Variants in DPYD observed in about 807,000 individuals in gnomAD.
The protein encoded by DPYD is dihydropyrimidine dehydrogenase.
DPYD carries 109 observed loss-of-function variants against 116.2 expected under a neutral mutation model. The ratio of observed to expected loss-of-function variants is 0.94; its 90% CI spans 0.80 to 1.10. The LOEUF (loss-of-function observed/expected upper bound fraction) is 1.10, where lower values mean the gene tolerates loss of function less well. Ranked by LOEUF, DPYD falls within the 50% of genes least tolerant of loss-of-function variation. The pLI is 0.00. For synonymous variants in DPYD, 440 were observed against 432.0 expected, an observed-to-expected ratio of 1.02 and a Z score of -0.23; for missense variants, 1,302 against 1,254.5, an observed-to-expected ratio of 1.04 and a Z score of -0.57.
At chr1:97,273,539 A>G (rs1280381274) in intron 18 of DPYD, among the ~76,000 whole-genome samples, 1 of 152,150 alleles carries the variant, frequency 6.6e-6, no homozygotes, top group Non-Finnish European at 1.5e-5. Context: ...CCTGTCATGG[A>G]CTTTAAACAG....
intron 20 of DPYD, among the ~76,000 whole-genome samples, chr1:97,185,651 A>G (rs1657943640): frequency 6.6e-6 from 1 of 152,228 alleles, no homozygotes; most frequent in Non-Finnish European, 1.5e-5. Flanking sequence ...ATGAACTAAT[A>G]CCTACAATAA....
chr1:97,751,460 G>GTGCATA (rs763260651), intron 3 of DPYD, among the ~76,000 whole-genome samples: 1 of 21,274 alleles, frequency 4.7e-5, no homozygotes, highest in Non-Finnish European at 8.1e-5. Flanking sequence ...GTGTGTGTGT[G>GTGCATA]TATATATATA....
At chr1:97,218,504 C>A (rs1249238940) in intron 19 of DPYD, among the ~76,000 whole-genome samples, 1 of 151,180 alleles carries the variant, frequency 6.6e-6, no homozygotes, top group African/African-American at 2.4e-5. Context: ...GGAGTCATTC[C>A]CGTCTAGCTA....
At chr1:97,283,166 G>C (rs1433505935) in intron 18 of DPYD, among the ~76,000 whole-genome samples, 1 of 152,062 alleles carries the variant, frequency 6.6e-6, no homozygotes, top group Non-Finnish European at 1.5e-5. Flanking sequence ...ATGAAGAAAA[G>C]TTAATACTTA....
At chr1:97,713,713 T>G (rs1466868000) in intron 5 of DPYD, among the ~76,000 whole-genome samples, 1 of 152,140 alleles carries the variant, frequency 6.6e-6, no homozygotes, top group Non-Finnish European at 1.5e-5. Context: ...TAAAAAATAT[T>G]TATCTTATTA....
chr1:97,829,568 CTAATTTAAG>C (rs2101486460), intron 2 of DPYD, among the ~76,000 whole-genome samples: 1 of 152,058 alleles, frequency 6.6e-6, no homozygotes, highest in South Asian at 2.1e-4. Context: ...TGTTAGTTTT[CTAATTTAAG>C]TACAGTGTTT....
chr1:97,173,469 A>AATAATGTGTATATATATACACG (rs1311489048), intron 20 of DPYD, among the ~76,000 whole-genome samples: 53 of 130,104 alleles, frequency 4.1e-4, no homozygotes, highest in African/African-American at 1.6e-3. Flanking sequence ...ATATATACAC[A>AATAATGTGTATATATATACACG]CATAATGTGT....
At position 97,883,351 on chromosome 1, in the gene DPYD, T is replaced by C; in HGVS notation, c.63A>G (p.Arg21=). 3 of 1,612,128 alleles carry C rather than the reference T, an allele frequency of 1.9e-6. No individual in the cohort carries two copies. Among genetic ancestry groups the C allele is most frequent in the Non-Finnish European group, 2.5e-6 (3 of 1,178,484 alleles). Residue 21 remains arginine (R), a synonymous_variant, in exon 2 of 23, where the codon CGA becomes CGG. Transcript: ENST00000370192. ...AACACAGAGTTGCATGAGTTTGTGT[T>C]CGAGGATTTAAAGCCAGGATACTCT... is the stretch of plus-strand genomic sequence containing the variant. ...DIESILALNP[R]TQTHATLCST... is the part of the protein sequence containing the mutation.
At chr1:97,657,317 G>A (rs1457182363) in intron 8 of DPYD, among the ~76,000 whole-genome samples, 1 of 151,906 alleles carries the variant, frequency 6.6e-6, no homozygotes, top group East Asian at 1.9e-4. Flanking sequence ...AGTAAGCAAG[G>A]ATTAGGGAAA....
intron 12 of DPYD, among the ~76,000 whole-genome samples, chr1:97,542,902 T>C (rs1371113343): frequency 1.3e-5 from 2 of 152,206 alleles, no homozygotes; most frequent in East Asian, 3.9e-4. Context: ...TCAATATTCA[T>C]CTGTTAAGAC....
chr1:97,378,815 G>A (rs1300350956), intron 15 of DPYD, among the ~76,000 whole-genome samples: 1 of 152,130 alleles, frequency 6.6e-6, no homozygotes. Context: ...TAACAAGCAG[G>A]ACAGAGGAAC....
chr1:97,399,089 G>A (rs1408590675), intron 14 of DPYD, among the ~76,000 whole-genome samples: 1 of 152,110 alleles, frequency 6.6e-6, no homozygotes, highest in Non-Finnish European at 1.5e-5. Flanking sequence ...GGTCTAACAT[G>A]TAAGTCTTTA....
chr1:97,714,191 T>C (rs1308276292), intron 5 of DPYD, among the ~76,000 whole-genome samples: 1 of 151,980 alleles, frequency 6.6e-6, no homozygotes, highest in South Asian at 2.1e-4. Flanking sequence ...GCTTCAAGGC[T>C]CCTCGTCACA....
chr1:97,392,866 C>A (rs1557680936), intron 14 of DPYD, among the ~76,000 whole-genome samples: 2 of 151,976 alleles, frequency 1.3e-5, no homozygotes, highest in Non-Finnish European at 2.9e-5. Context: ...AGTCTTGAAT[C>A]CCTCACAAGG....
intron 21 of DPYD, among the ~76,000 whole-genome samples, chr1:97,089,150 A>G (rs1649723960): frequency 6.6e-6 from 1 of 152,196 alleles, no homozygotes; most frequent in African/African-American, 2.4e-5. Flanking sequence ...CAGGAAGAAG[A>G]GATGAAAACA....
intron 16 of DPYD, among the ~76,000 whole-genome samples, chr1:97,312,707 G>A (rs1214971445): frequency 1.3e-5 from 2 of 151,588 alleles, no homozygotes; most frequent in East Asian, 3.9e-4. Context: ...TATTTATATA[G>A]AGGTCTGAAA....
intron 13 of DPYD, among the ~76,000 whole-genome samples, chr1:97,467,202 G>A (rs1158151237): frequency 6.6e-6 from 1 of 152,194 alleles, no homozygotes; most frequent in Admixed American, 6.5e-5. Context: ...CTGCAAGCAG[G>A]CCTCAGATAA....
At chr1:97,779,212 G>C (rs10783076) in intron 3 of DPYD, among the ~76,000 whole-genome samples, 126,067 of 151,966 alleles carry the variant, frequency 0.83, 52,479 homozygotes, top group East Asian at 0.98. Context: ...ATGCTGGCAA[G>C]TAACCTAAAA....
chr1:97,781,272 C>T (rs527821329), intron 3 of DPYD, among the ~76,000 whole-genome samples: 1 of 152,300 alleles, frequency 6.6e-6, no homozygotes, highest in East Asian at 1.9e-4. Flanking sequence ...TTGCTTTATA[C>T]TTTTGGTACA....
Sources: gnomAD v4.1 joint callset for allele counts (sites outside exome capture counted in the v4.1 genomes callset) on GRCh38, gnomAD v4.1.1 for gene constraint, MANE v1.5 for transcripts, NCBI Gene and HGNC (gene_info 2026-07-23, HGNC 2026-07-21) for gene names.